MTRF1: variants seen among roughly 807,000 people sequenced by gnomAD.
MTRF1 encodes the protein peptide chain release factor 1, mitochondrial.
MTRF1 carries 51 observed loss-of-function variants against 62.9 expected under a neutral mutation model. The observed-to-expected ratio is 0.81, with a 90% CI of 0.65 to 1.02. MTRF1 has a LOEUF of 1.02. Ranked by LOEUF, MTRF1 falls within the 50% of genes least tolerant of loss-of-function variation. The pLI is 0.00. For synonymous variants in MTRF1, 158 were observed against 181.9 expected, an observed-to-expected ratio of 0.87 and a Z score of 1.06; for missense variants, 446 against 530.0, an observed-to-expected ratio of 0.84 and a Z score of 1.56.
At chr13:41,268,351 A>C (rs2040864061), upstream of MTRF1, among the ~76,000 whole-genome samples, 1 of 152,190 alleles carries the variant, frequency 6.6e-6, no homozygotes, top group Admixed American at 6.5e-5. Flanking sequence ...TCAAAAAAAG[A>C]CTTAATTTAT....
chr13:41,232,374 C>T (rs74048615), intron 7 of MTRF1, among the ~76,000 whole-genome samples: 1,527 of 152,054 alleles, frequency 0.01, 24 homozygotes, highest in African/African-American at 0.036. Context: ...TTCAAGAGGT[C>T]TAATATCTAA....
chr13:41,230,563 C>CT (rs74788525), intron 7 of MTRF1, among the ~76,000 whole-genome samples: 5,460 of 131,350 alleles, frequency 0.042, 309 homozygotes, highest in African/African-American at 0.13. Context: ...TGCACCGGGC[C>CT]TTTTTTTTTT....
the MTRF1 span, among the ~76,000 whole-genome samples, chr13:41,299,904 C>T: frequency 6.6e-6 from 1 of 152,112 alleles, no homozygotes; most frequent in Non-Finnish European, 1.5e-5. Context: ...AAATGAAACT[C>T]CTACCGAACA....
At chr13:41,264,560 CATAG>C (rs1229449892), upstream of MTRF1, among the ~76,000 whole-genome samples, 2 of 152,190 alleles carry the variant, frequency 1.3e-5, no homozygotes, top group Non-Finnish European at 2.9e-5. Context: ...TAATCACATA[CATAG>C]ATAGGAGAAT....
intron 9 of MTRF1, among the ~76,000 whole-genome samples, chr13:41,222,370 G>A (rs1418797387): frequency 6.6e-6 from 1 of 152,170 alleles, no homozygotes; most frequent in Non-Finnish European, 1.5e-5. Flanking sequence ...CAGCCTAACT[G>A]TAACACCTCA....
At chr13:41,272,101 A>G in the MTRF1 span, among the ~76,000 whole-genome samples, 4 of 152,194 alleles carry the variant, frequency 2.6e-5, no homozygotes, top group Admixed American at 6.5e-5. Context: ...GGTACCCCCA[A>G]AACCAAAGAG....
At chr13:41,224,247 A>G (rs2033950759) in intron 8 of MTRF1, among the ~76,000 whole-genome samples, 1 of 152,222 alleles carries the variant, frequency 6.6e-6, no homozygotes, top group East Asian at 1.9e-4. Context: ...CTTCCCTGAA[A>G]TCCACTGTAC....
intron 6 of MTRF1, among the ~76,000 whole-genome samples, chr13:41,238,623 T>A (rs1238408400): frequency 6.6e-6 from 1 of 152,184 alleles, no homozygotes; most frequent in Non-Finnish European, 1.5e-5. Context: ...CACCAATGGA[T>A]GTTAAAACTA....
chr13:41,255,736 T>C (rs1358549425), intron 2 of MTRF1, among the ~76,000 whole-genome samples: 1 of 152,154 alleles, frequency 6.6e-6, no homozygotes, highest in Non-Finnish European at 1.5e-5. Flanking sequence ...AAAACATACA[T>C]TTTTGTAACC....
chr13:41,254,020 A>G (rs1057036427), intron 3 of MTRF1, among the ~76,000 whole-genome samples: 2 of 152,214 alleles, frequency 1.3e-5, no homozygotes, highest in African/African-American at 4.8e-5. Flanking sequence ...TTCCATTTCC[A>G]TGTCTAGGAG....
intron 3 of MTRF1, among the ~76,000 whole-genome samples, chr13:41,253,653 A>C (rs9315818): frequency 6.6e-6 from 1 of 151,996 alleles, no homozygotes; most frequent in African/African-American, 2.4e-5. Flanking sequence ...TTCAAATCAA[A>C]GTAAAAGTAC....
In MTRF1 at chr13:41,252,657, G is replaced by T; in HGVS notation, c.685C>A (p.Pro229Thr). 1 of 1,610,734 alleles carries T rather than the reference G, an allele frequency of 6.2e-7. No individual in the cohort carries two copies. Among genetic ancestry groups the T allele is most frequent in the Non-Finnish European group, 8.5e-7 (1 of 1,177,256 alleles). ...HWQFELLNYT[P>T]ADYGGLHHAA... ...TCAATATGCCTACCATAATCTGCTGGTGTATAATTCAGAAGTTCAAATTGC... is the reference window on the plus strand; with the variant it reads ...TCAATATGCCTACCATAATCTGCTGTTGTATAATTCAGAAGTTCAAATTGC... The change falls in exon 5 of 10, where the codon CCA becomes ACA. Residue 229 changes from proline (P) to threonine (T), a missense_variant. By Grantham distance (38) the Pro-to-Thr change is conservative. Coordinates refer to ENST00000379480, the MANE Select transcript of MTRF1 (RefSeq NM_004294.4).
intron 2 of MTRF1, among the ~76,000 whole-genome samples, chr13:41,256,571 G>GT (rs1333538594): frequency 6.6e-6 from 1 of 151,794 alleles, no homozygotes; most frequent in Non-Finnish European, 1.5e-5. Flanking sequence ...TGATCCACCC[G>GT]CCCCGGCCTC....
the MTRF1 span, among the ~76,000 whole-genome samples, chr13:41,281,149 G>A: frequency 3.8e-3 from 579 of 152,298 alleles, 3 homozygotes; most frequent in African/African-American, 0.013. Context: ...TCAGGAAGGC[G>A]TGTAAGCCAG....
At chr13:41,311,872 G>T in the MTRF1 span, among the ~76,000 whole-genome samples, 1 of 152,242 alleles carries the variant, frequency 6.6e-6, no homozygotes, top group South Asian at 2.1e-4. Context: ...GGGCACAGCC[G>T]CCTCGGCCGG....
At chr13:41,251,035 G>A (rs985377849) in intron 5 of MTRF1, among the ~76,000 whole-genome samples, 5 of 152,090 alleles carry the variant, frequency 3.3e-5, no homozygotes, top group African/African-American at 1.2e-4. Context: ...CTTATTGTGT[G>A]GTCTTGGATT....
intron 5 of MTRF1, among the ~76,000 whole-genome samples, chr13:41,243,404 C>CAAAA (rs371273057): frequency 3.9e-5 from 3 of 76,498 alleles, no homozygotes; most frequent in Admixed American, 1.6e-4. Flanking sequence ...GACCCTGTCT[C>CAAAA]AAAAAAAAAA....
At chr13:41,247,369 G>A (rs1739357866) in intron 5 of MTRF1, among the ~76,000 whole-genome samples, 1 of 152,186 alleles carries the variant, frequency 6.6e-6, no homozygotes, top group Admixed American at 6.5e-5. Context: ...GGCTTTCATT[G>A]ACAGGGATGG....
intron 1 of MTRF1, 100 bp from the exon 2 acceptor site, chr13:41,261,015 GC>G: frequency 9.2e-7 from 1 of 1,083,348 alleles, no homozygotes; most frequent in Non-Finnish European, 1.3e-6. Context: ...TTCATCTACT[GC>G]CTCAGCCAGC....
Sources: allele counts gnomAD v4.1 joint callset (sites outside exome capture counted in the v4.1 genomes callset), GRCh38; gene constraint gnomAD v4.1.1; transcripts MANE v1.5; gene names NCBI Gene and HGNC (gene_info 2026-07-23, HGNC 2026-07-21).